The following RAD17 variants were observed in gnomAD, a reference collection of about 807,000 sequenced individuals.
RAD17 encodes the protein RAD17 checkpoint clamp loader component.
A neutral mutation model predicts 81.5 loss-of-function variants in RAD17; 31 were observed. The ratio of observed to expected loss-of-function variants is 0.38; its 90% CI spans 0.29 to 0.51. The LOEUF is 0.51. Among genes scored for constraint, RAD17 ranks in the 20% least tolerant of loss-of-function variants. The pLI is 0.88. For missense variants in RAD17, 681 were observed against 781.2 expected (o/e 0.87, Z 1.53); for synonymous variants, 261 against 266.2 (o/e 0.98, Z 0.19).
chr5:69,384,891 T>C lies in RAD17; in HGVS notation c.603T>C (p.Leu201=). The change falls in exon 8 of 19, where the codon CTT becomes CTC. Residue 201 remains leucine, a synonymous_variant. Transcript: ENST00000354868. ...CAAAGTATAACAAGTTACAAATGCT[T>C]GGAGATGATCTGAGAACTGATAAGA... ...RATKYNKLQM[L]GDDLRTDKKI... is the part of the protein sequence containing the mutation. 1 of 1,612,694 alleles carries C rather than the reference T, an allele frequency of 6.2e-7. No individual in the cohort carries two copies. Among genetic ancestry groups the C allele is most frequent in the Non-Finnish European group, 8.5e-7 (1 of 1,179,106 alleles).
chr5:69,369,904 T>G lies in RAD17; in HGVS notation c.-446T>G. Reference sequence around the variant, plus strand: ...GGTAGTCCCTGGTCGCCTCCGCTCTTCGCCTAAAAGGGGATGCAGCTCCGG... The same window carrying G: ...GGTAGTCCCTGGTCGCCTCCGCTCTGCGCCTAAAAGGGGATGCAGCTCCGG... On this transcript the variant is annotated 5_prime_UTR_variant, in exon 1 of 19. Transcript: ENST00000354868. 1 of 586,402 alleles carries G rather than the reference T, an allele frequency of 1.7e-6. No individual in the cohort carries two copies. The highest frequency in any genetic ancestry group is 3.0e-6 in the Non-Finnish European group (1 of 333,238). The allele number at this position is 586,402 out of a possible 1,614,324, so 36.3% of individuals were successfully genotyped here.
intron 17 of RAD17, among the ~76,000 whole-genome samples, chr5:69,409,847 C>T (rs1765856586): frequency 6.6e-6 from 1 of 152,178 alleles, no homozygotes; most frequent in African/African-American, 2.4e-5. Context: ...TTCCCTTCCC[C>T]CTGGCAGCCA....
intron 16 of RAD17, 24 bp from the exon 17 acceptor site, chr5:69,400,025 C>CTTTTTTT: frequency 7.6e-7 from 1 of 1,313,132 alleles, no homozygotes; most frequent in Non-Finnish European, 1.0e-6. Context: ...TTCCTTTCAT[C>CTTTTTTT]TTTTTTTTTT....
intron 2 of RAD17, 35 bp downstream of exon 2, chr5:69,371,206 T>G (rs557963681): frequency 1.7e-5 from 9 of 518,860 alleles, no homozygotes; most frequent in South Asian, 1.3e-4. Context: ...TTTTGTTTTT[T>G]TTTTTCTAAT....
chr5:69,410,457 G>C (rs760906350), intron 17 of RAD17, 36 bp from the exon 18 acceptor site: 1 of 1,552,208 alleles, frequency 6.4e-7, no homozygotes, highest in Non-Finnish European at 8.9e-7. Flanking sequence ...ATTTTCTTTG[G>C]AAAATTGTTT....
At chr5:69,396,919 G>A (rs973868380) in intron 16 of RAD17, among the ~76,000 whole-genome samples, 5 of 151,602 alleles carry the variant, frequency 3.3e-5, no homozygotes, top group East Asian at 3.9e-4. Flanking sequence ...TGCAACCTCC[G>A]CCTCCCGGGT....
At chr5:69,377,022 G>A (rs775916575) in intron 6 of RAD17, among the ~76,000 whole-genome samples, 30 of 152,086 alleles carry the variant, frequency 2.0e-4, no homozygotes, top group Non-Finnish European at 1.8e-4. Flanking sequence ...CCTAAGTGCT[G>A]GGATTGCAGG....
At position 69,371,020 on chromosome 5, in the gene RAD17, A is replaced by G. The variant is rs1209276225; in HGVS notation, c.-416-15A>G. 7.9e-6 allele frequency: 2 copies of G among 254,640 alleles called. No homozygotes were observed. Among genetic ancestry groups the G allele is most frequent in the East Asian group, 8.9e-5 (1 of 11,262 alleles). 15.8% of individuals were successfully genotyped at this position (254,640 alleles called of 1,614,324 possible). A position where few individuals can be genotyped will look rare whatever the true frequency, so the allele number is the denominator to read the frequency against. ...AAAAATTTTACAGTTTAAGACTTAA[A>G]TTCTTCGTCCACAGCAAGTGAATTC... On this transcript the variant is annotated splice_polypyrimidine_tract_variant and intron_variant, in intron 1 of 18. Transcript: ENST00000354868.
intron 15 of RAD17, among the ~76,000 whole-genome samples, chr5:69,393,723 C>A (rs973080622): frequency 3.3e-5 from 5 of 151,750 alleles, no homozygotes; most frequent in South Asian, 2.1e-4. Context: ...AAGTTATTTT[C>A]TTTTTTTCTT....
intron 1 of RAD17, 23 bp downstream of exon 1, chr5:69,369,956 T>C: frequency 1.8e-6 from 1 of 554,524 alleles, no homozygotes; most frequent in East Asian, 3.1e-5. Context: ...CGGTTGCGGC[T>C]ATATTATGTA....
intron 13 of RAD17, among the ~76,000 whole-genome samples, chr5:69,392,359 A>G (rs1435610413): frequency 6.6e-6 from 1 of 152,330 alleles, no homozygotes; most frequent in East Asian, 1.9e-4. Context: ...ACAGAGCCTT[A>G]TACAAATTAC....
intron 6 of RAD17, among the ~76,000 whole-genome samples, chr5:69,377,435 G>A (rs1169121611): frequency 8.7e-5 from 2 of 23,060 alleles, no homozygotes; most frequent in Admixed American, 8.4e-4. Flanking sequence ...GTGTGTGTGT[G>A]TGTGTATATA....
Position 69,389,048 on chromosome 5 carries a change from T to A in RAD17, c.909T>A (p.Ile303=), listed in dbSNP as rs1185361271. The change falls in exon 12 of 19, where the codon ATT becomes ATA. Residue 303 remains isoleucine, a synonymous_variant. Transcript: ENST00000354868. The part of the protein sequence containing the change: ...TIEANKNGGK[I]TVPDKTSLEL... ...TCTTATTTTAGAATGGAGGAAAAATTACTGTCCCTGACAAAACTTCTCTAG... is the reference window on the plus strand; with the variant it reads ...TCTTATTTTAGAATGGAGGAAAAATAACTGTCCCTGACAAAACTTCTCTAG... 6.7e-7 allele frequency: 1 copy of A among 1,491,748 alleles called. No homozygotes were observed. The highest frequency in any genetic ancestry group is 8.9e-7 in the Non-Finnish European group (1 of 1,118,908). The allele number at this position is 1,491,748 out of a possible 1,614,324, so 92.4% of individuals were successfully genotyped here.
chr5:69,377,437 GTGTATATATATATATATATATATA>G (rs1472216157), intron 6 of RAD17, among the ~76,000 whole-genome samples: 2 of 25,762 alleles, frequency 7.8e-5, no homozygotes, highest in African/African-American at 2.2e-4. Context: ...GTGTGTGTGT[GTGTATATATATATATATATATATA>G]TATATATATA....
At chr5:69,369,557 A>G (rs1226612588), upstream of RAD17, 1 of 1,608,828 alleles carries the variant, frequency 6.2e-7, no homozygotes, top group Non-Finnish European at 8.5e-7. Context: ...AGGAGCCGGA[A>G]GGGGCGGGCG....
At chr5:69,380,760 T>C (rs555082610) in intron 6 of RAD17, among the ~76,000 whole-genome samples, 2 of 151,872 alleles carry the variant, frequency 1.3e-5, no homozygotes, top group South Asian at 4.1e-4. Context: ...TAAATATGTT[T>C]CTTTTTTTTC....
At chr5:69,396,645 G>A (rs1470478757) in intron 16 of RAD17, 99 bp downstream of exon 16, 3 of 1,205,454 alleles carry the variant, frequency 2.5e-6, no homozygotes, top group African/African-American at 3.1e-5. Flanking sequence ...CATAACAAAG[G>A]AAAAAATATT....
At chr5:69,377,451 A>ATG (rs1554038606) in intron 6 of RAD17, among the ~76,000 whole-genome samples, 2 of 11,104 alleles carry the variant, frequency 1.8e-4, no homozygotes, top group East Asian at 4.6e-3. Flanking sequence ...ATATATATAT[A>ATG]TATATATATA....
intron 17 of RAD17, among the ~76,000 whole-genome samples, chr5:69,403,408 A>G (rs557438781): frequency 6.6e-6 from 1 of 152,268 alleles, no homozygotes; most frequent in South Asian, 2.1e-4. Context: ...AGTGATCTTA[A>G]AAAAAATTGG....
Sources: gnomAD v4.1 joint callset for allele counts (sites outside exome capture counted in the v4.1 genomes callset) on GRCh38, gnomAD v4.1.1 for gene constraint, MANE v1.5 for transcripts, NCBI Gene and HGNC (gene_info 2026-07-23, HGNC 2026-07-21) for gene names.